FRMD3: variants seen among roughly 807,000 people sequenced by gnomAD.
FRMD3 encodes the protein FERM domain-containing protein 3.
A neutral mutation model predicts 70.2 loss-of-function variants in FRMD3; 33 were observed. That is an observed-to-expected ratio of 0.47 (90% CI 0.36 to 0.63). FRMD3 has a LOEUF of 0.63. Among genes scored for constraint, FRMD3 ranks in the 20% least tolerant of loss-of-function variants. FRMD3 has a pLI of 0.00. For missense variants in FRMD3, 632 were observed against 711.4 expected (o/e 0.89, Z 1.27); for synonymous variants, 279 against 255.9 (o/e 1.09, Z -0.86).
chr9:83,389,534 G>A, intron 2 of FRMD3, 70 bp downstream of exon 2: 2 of 993,870 alleles, frequency 2.0e-6, no homozygotes, highest in Non-Finnish European at 3.2e-6. Context: ...GGCTTTGAGA[G>A]GAACCCCCAC....
At chr9:83,276,870 T>C (rs1215046955) in intron 13 of FRMD3, among the ~76,000 whole-genome samples, 1 of 152,174 alleles carries the variant, frequency 6.6e-6, no homozygotes, top group African/African-American at 2.4e-5. Flanking sequence ...CCACCATGCA[T>C]GGCTAATTTT....
chr9:83,577,968 TA>T, the FRMD3 span, among the ~76,000 whole-genome samples: 1 of 151,258 alleles, frequency 6.6e-6, no homozygotes, highest in Non-Finnish European at 1.5e-5. Flanking sequence ...TTAAAATAAA[TA>T]AAATTAGAAA....
chr9:83,497,311 G>A (rs1828964836), intron 1 of FRMD3, among the ~76,000 whole-genome samples: 1 of 151,868 alleles, frequency 6.6e-6, no homozygotes, highest in African/African-American at 2.4e-5. Context: ...AAGATCTCAA[G>A]GTAAATTAGC....
chr9:83,484,901 G>C (rs1828651924), intron 1 of FRMD3, among the ~76,000 whole-genome samples: 1 of 152,232 alleles, frequency 6.6e-6, no homozygotes, highest in Admixed American at 6.5e-5. Context: ...AGTCTAGAGA[G>C]ACACACAGTG....
At chr9:83,271,220 T>G (rs543977089) in intron 13 of FRMD3, among the ~76,000 whole-genome samples, 1 of 152,334 alleles carries the variant, frequency 6.6e-6, no homozygotes, top group African/African-American at 2.4e-5. Context: ...AGTCAGCCAT[T>G]AGTTAAAATA....
Position 83,248,520 on chromosome 9 carries a change from T to TAAAG in FRMD3, c.1196-8_1196-5dup, listed in dbSNP as rs1482779901. 6.5e-7 allele frequency: 1 copy of TAAAG among 1,544,180 alleles called. No homozygotes were observed. The highest frequency in any genetic ancestry group is 1.4e-5 in the African/African-American group (1 of 71,936). On this transcript the variant is annotated splice_region_variant and splice_polypyrimidine_tract_variant and intron_variant, in intron 13 of 13. Transcript: ENST00000304195. ...TCCTCTTTAGGCAATGGAACACCTG[T>TAAAG]AAAGAGACATTTTTTTTTCTAAATT...
At chr9:83,272,026 A>G (rs753452199) in intron 13 of FRMD3, among the ~76,000 whole-genome samples, 4 of 152,174 alleles carry the variant, frequency 2.6e-5, no homozygotes, top group Non-Finnish European at 5.9e-5. Flanking sequence ...TTGTGACTCA[A>G]GATAGTTGCT....
At chr9:83,477,108 G>A (rs1828418349) in intron 1 of FRMD3, among the ~76,000 whole-genome samples, 1 of 152,182 alleles carries the variant, frequency 6.6e-6, no homozygotes, top group African/African-American at 2.4e-5. Context: ...TGGTGCAGCA[G>A]CAACAGCATC....
intron 1 of FRMD3, among the ~76,000 whole-genome samples, chr9:83,475,355 G>A (rs1003897372): frequency 6.6e-6 from 1 of 152,052 alleles, no homozygotes; most frequent in African/African-American, 2.4e-5. Flanking sequence ...AAGAAATTAA[G>A]AATGCTATAG....
At chr9:83,503,344 A>C (rs1247550646) in intron 1 of FRMD3, among the ~76,000 whole-genome samples, 1 of 152,204 alleles carries the variant, frequency 6.6e-6, no homozygotes, top group East Asian at 1.9e-4. Context: ...GACGGATTTC[A>C]TGCATCGCTG....
chr9:83,288,365 G>A (rs1834297256), intron 13 of FRMD3, among the ~76,000 whole-genome samples: 1 of 152,176 alleles, frequency 6.6e-6, no homozygotes, highest in South Asian at 2.1e-4. Context: ...CGGTACCTAA[G>A]ATAATTTTGC....
chr9:83,343,183 G>C lies in FRMD3; in HGVS notation c.472+7C>G. On this transcript the variant is annotated splice_region_variant and intron_variant, in intron 5 of 13. Transcript: ENST00000304195. ...AGGTGGCGTGGGTGAGCTGTGGCCA[G>C]ACTTACCTTGAACAATACAGGCACC... The C allele has an allele frequency of 6.2e-7, 1 of 1,604,784 alleles. No homozygotes were observed. The highest frequency in any genetic ancestry group is 1.1e-5 in the South Asian group (1 of 90,900).
At chr9:83,453,135 C>T (rs774830839) in intron 1 of FRMD3, among the ~76,000 whole-genome samples, 4 of 152,154 alleles carry the variant, frequency 2.6e-5, no homozygotes, top group Middle Eastern at 3.4e-3. Context: ...GGATTACAGG[C>T]GTAAGCCACT....
chr9:83,467,133 T>C (rs911093434), intron 1 of FRMD3, among the ~76,000 whole-genome samples: 2 of 152,224 alleles, frequency 1.3e-5, no homozygotes, highest in Non-Finnish European at 2.9e-5. Context: ...ACCACCAAAC[T>C]ATTTGCTATG....
At chr9:83,286,877 A>G (rs1423050202) in intron 13 of FRMD3, among the ~76,000 whole-genome samples, 4 of 152,164 alleles carry the variant, frequency 2.6e-5, no homozygotes, top group Non-Finnish European at 5.9e-5. Context: ...CATGCTGGCC[A>G]TGGACTCCCT....
chr9:83,524,474 T>C (rs888195882), intron 1 of FRMD3, among the ~76,000 whole-genome samples: 2 of 152,214 alleles, frequency 1.3e-5, no homozygotes, highest in African/African-American at 4.8e-5. Context: ...TGTCCTTGGA[T>C]GACAGTTCCA....
At chr9:83,550,844 T>G in the FRMD3 span, among the ~76,000 whole-genome samples, 4 of 152,230 alleles carry the variant, frequency 2.6e-5, no homozygotes, top group African/African-American at 9.6e-5. Context: ...GGAATTTTGC[T>G]GAAGTTGTTT....
chr9:83,413,857 A>G (rs1220322071), intron 1 of FRMD3, among the ~76,000 whole-genome samples: 1 of 152,242 alleles, frequency 6.6e-6, no homozygotes. Context: ...TTAGAGATTT[A>G]TATATCTCTT....
At chr9:83,271,685 T>C (rs1055496340) in intron 13 of FRMD3, among the ~76,000 whole-genome samples, 4 of 152,236 alleles carry the variant, frequency 2.6e-5, no homozygotes, top group Admixed American at 1.3e-4. Flanking sequence ...CTTTGGCATA[T>C]TAGACACTGT....
Sources: gnomAD v4.1 joint callset for allele counts (sites outside exome capture counted in the v4.1 genomes callset) on GRCh38, gnomAD v4.1.1 for gene constraint, MANE v1.5 for transcripts, NCBI Gene and HGNC (gene_info 2026-07-23, HGNC 2026-07-21) for gene names.